Variants in DCDC1 observed in about 807,000 individuals in gnomAD.
The protein encoded by DCDC1 is doublecortin domain containing 1.
A neutral mutation model predicts 178.3 loss-of-function variants in DCDC1; 200 were observed. The observed-to-expected ratio is 1.12, with a 90% CI of 1.00 to 1.26. DCDC1 has a LOEUF of 1.26. DCDC1 is among the 50% of genes most tolerant of loss of function. The pLI, the probability that DCDC1 is intolerant of heterozygous loss-of-function variation, is 0.00. For synonymous variants in DCDC1, 690 were observed against 604.8 expected, an observed-to-expected ratio of 1.14 and a Z score of -2.07; for missense variants, 1,983 against 1,749.2, an observed-to-expected ratio of 1.13 and a Z score of -2.38.
At chr11:31,114,872 C>T (rs566971198) in intron 11 of DCDC1, among the ~76,000 whole-genome samples, 1 of 152,222 alleles carries the variant, frequency 6.6e-6, no homozygotes, top group Admixed American at 6.5e-5. Context: ...AATCCGAAGC[C>T]AGGGTTAACA....
At chr11:30,882,303 C>A (rs1164843498) in intron 36 of DCDC1, 2 of 152,198 alleles carry the variant, frequency 1.3e-5, no homozygotes, top group Non-Finnish European at 2.9e-5. Flanking sequence ...CGCAGCTTTT[C>A]ACCCAGTATT....
chr11:31,030,545 T>G (rs1265306497), intron 20 of DCDC1, among the ~76,000 whole-genome samples: 1 of 152,124 alleles, frequency 6.6e-6, no homozygotes, highest in Non-Finnish European at 1.5e-5. Context: ...CCCAGCTGAG[T>G]TGCATTTGGA....
chr11:30,911,235 G>GTTT, intron 28 of DCDC1, 92 bp downstream of exon 28: 7 of 804,670 alleles, frequency 8.7e-6, no homozygotes, highest in Non-Finnish European at 1.1e-5. Flanking sequence ...TTCTATGACA[G>GTTT]TTTTTTTTTT....
chr11:31,204,232 G>A (rs1227529720), intron 9 of DCDC1, among the ~76,000 whole-genome samples: 1 of 151,964 alleles, frequency 6.6e-6, no homozygotes, highest in Non-Finnish European at 1.5e-5. Context: ...TTACTTAGAG[G>A]GAAGTGAATA....
rs758178112 is a variant in DCDC1 at position 30,878,611 on chromosome 11, C to A, written c.5334G>T (p.Leu1778=). ...TDIVVSPSTK[L]LSLAHLHN Reference sequence around the variant, plus strand: ...AATTGTGGAGATGTGCCAGAGACAGCAGCTTCGTGGATGGTGACACCACAA... The same window carrying A: ...AATTGTGGAGATGTGCCAGAGACAGAAGCTTCGTGGATGGTGACACCACAA... The change falls in exon 38 of 39, where the codon CTG becomes CTT. Residue 1778 remains leucine, a synonymous_variant. Coordinates refer to ENST00000684477, the MANE Select transcript of DCDC1 (RefSeq NM_001387274.1). 1 of 1,606,548 alleles carries A rather than the reference C, an allele frequency of 6.2e-7. No homozygotes were observed. Among genetic ancestry groups the A allele is most frequent in the African/African-American group, 1.3e-5 (1 of 74,166 alleles).
chr11:31,153,819 A>ACACACACAC (rs1565356578), intron 9 of DCDC1, among the ~76,000 whole-genome samples: 4 of 45,776 alleles, frequency 8.7e-5, no homozygotes, highest in African/African-American at 5.7e-4. Flanking sequence ...CACACACACA[A>ACACACACAC]TTACCATAAC....
At chr11:31,247,582 C>T (rs1943657801) in intron 8 of DCDC1, among the ~76,000 whole-genome samples, 1 of 151,930 alleles carries the variant, frequency 6.6e-6, no homozygotes, top group African/African-American at 2.4e-5. Flanking sequence ...AAAACCACTT[C>T]ACTCATCATA....
At chr11:31,298,782 A>G (rs1947886063) in intron 6 of DCDC1, among the ~76,000 whole-genome samples, 1 of 152,240 alleles carries the variant, frequency 6.6e-6, no homozygotes, top group African/African-American at 2.4e-5. Context: ...TCCTAACATT[A>G]TAATTTTCCA....
intron 9 of DCDC1, among the ~76,000 whole-genome samples, chr11:31,231,925 T>C (rs1171745600): frequency 1.3e-5 from 2 of 152,250 alleles, no homozygotes; most frequent in Non-Finnish European, 2.9e-5. Context: ...CTGCAGTGTG[T>C]ATCTTCTTCC....
Position 31,290,856 on chromosome 11 carries a change from G to A in DCDC1, c.755-4C>T, listed in dbSNP as rs750060523. The A allele has an allele frequency of 6.2e-7, 1 of 1,601,674 alleles. No individual in the cohort carries two copies. The highest frequency in any genetic ancestry group is 1.8e-5 in the Admixed American group (1 of 56,836). On this transcript the variant is annotated splice_polypyrimidine_tract_variant and splice_region_variant and intron_variant, in intron 6 of 38. Coordinates refer to ENST00000684477, the MANE Select transcript of DCDC1 (RefSeq NM_001387274.1). ...TTCTTAATTAACAACAGATGGTCTA[G>A]AAGATAATTTTTTAAGTCAAGTCAA... is the stretch of plus-strand genomic sequence containing the variant.
At chr11:31,363,526 C>T (rs180980507) in intron 1 of DCDC1, among the ~76,000 whole-genome samples, 1 of 152,234 alleles carries the variant, frequency 6.6e-6, no homozygotes, top group Non-Finnish European at 1.5e-5. Flanking sequence ...CCCATTCATA[C>T]CTATTAGAAT....
chr11:31,142,499 TG>T (rs1464282811), intron 9 of DCDC1, among the ~76,000 whole-genome samples: 2 of 152,106 alleles, frequency 1.3e-5, no homozygotes, highest in Non-Finnish European at 2.9e-5. Flanking sequence ...TGTGTGTGTG[TG>T]TGTGTGTGTA....
chr11:31,323,541 A>G (rs1949484736), intron 3 of DCDC1, among the ~76,000 whole-genome samples: 1 of 152,064 alleles, frequency 6.6e-6, no homozygotes, highest in Admixed American at 6.6e-5. Context: ...TATAGTGTAT[A>G]TTTGACAAGC....
At chr11:31,059,676 C>A (rs1036919098) in intron 20 of DCDC1, among the ~76,000 whole-genome samples, 4 of 151,958 alleles carry the variant, frequency 2.6e-5, no homozygotes, top group Non-Finnish European at 5.9e-5. Context: ...AAAAAGACAG[C>A]CTGACTATTG....
At chr11:31,171,056 G>A (rs1317722509) in intron 9 of DCDC1, among the ~76,000 whole-genome samples, 2 of 152,058 alleles carry the variant, frequency 1.3e-5, no homozygotes, top group Admixed American at 6.6e-5. Flanking sequence ...TCGAACTCCC[G>A]ATCTCAGGTG....
chr11:30,895,483 T>C (rs527864119), intron 34 of DCDC1, among the ~76,000 whole-genome samples: 3 of 152,320 alleles, frequency 2.0e-5, no homozygotes, highest in Admixed American at 2.0e-4. Context: ...GTTGCCAACA[T>C]AATCTTAATG....
chr11:31,024,546 C>T (rs959100847), intron 20 of DCDC1, among the ~76,000 whole-genome samples: 1 of 151,634 alleles, frequency 6.6e-6, no homozygotes, highest in Non-Finnish European at 1.5e-5. Context: ...TTCTGTATTA[C>T]AAAACATTAC....
At chr11:30,928,387 A>T (rs1269687191) in intron 22 of DCDC1, among the ~76,000 whole-genome samples, 2 of 147,566 alleles carry the variant, frequency 1.4e-5, no homozygotes, top group East Asian at 4.1e-4. Flanking sequence ...TTATAGTAAC[A>T]CAAAACAGAC....
intron 20 of DCDC1, among the ~76,000 whole-genome samples, chr11:31,052,605 T>A (rs1955333353): frequency 6.6e-6 from 1 of 152,040 alleles, no homozygotes; most frequent in Non-Finnish European, 1.5e-5. Flanking sequence ...TGATAGGCCA[T>A]AAAACGAGCC....
Sources: gnomAD v4.1 joint callset for allele counts (sites outside exome capture counted in the v4.1 genomes callset) on GRCh38, gnomAD v4.1.1 for gene constraint, MANE v1.5 for transcripts, NCBI Gene and HGNC (gene_info 2026-07-23, HGNC 2026-07-21) for gene names.